The following DLGAP2 variants were observed in gnomAD, a reference collection of about 807,000 sequenced individuals.
DLGAP2 encodes disks large-associated protein 2.
A neutral mutation model predicts 100.3 loss-of-function variants in DLGAP2; 26 were observed. The ratio of observed to expected loss-of-function variants is 0.26; its 90% CI spans 0.19 to 0.36. The LOEUF (loss-of-function observed/expected upper bound fraction) is 0.36, where lower values mean the gene tolerates loss of function less well. Ranked by LOEUF, DLGAP2 falls within the 10% of genes least tolerant of loss-of-function variation. The pLI, the probability that DLGAP2 is intolerant of heterozygous loss-of-function variation, is 1.00. For synonymous variants in DLGAP2, 886 were observed against 630.1 expected, an observed-to-expected ratio of 1.41 and a Z score of -6.08; for missense variants, 1,858 against 1,453.2, an observed-to-expected ratio of 1.28 and a Z score of -4.53.
At chr8:1,685,140 T>C (rs2130866754) in intron 12 of DLGAP2, among the ~76,000 whole-genome samples, 1 of 151,312 alleles carries the variant, frequency 6.6e-6, no homozygotes, top group South Asian at 2.1e-4. Flanking sequence ...TGAGACAAAA[T>C]GGTCTGGATG....
chr8:829,618 A>G (rs1194062024), intron 1 of DLGAP2, among the ~76,000 whole-genome samples: 1 of 152,204 alleles, frequency 6.6e-6, no homozygotes, highest in Non-Finnish European at 1.5e-5. Flanking sequence ...TTTGTCAGTT[A>G]TTTCTTTTTT....
chr8:1,254,199 G>A (rs1799117920), intron 2 of DLGAP2, among the ~76,000 whole-genome samples: 1 of 152,196 alleles, frequency 6.6e-6, no homozygotes, highest in Non-Finnish European at 1.5e-5. Context: ...TCCCTTCCCT[G>A]AAATCAGTGC....
intron 2 of DLGAP2, among the ~76,000 whole-genome samples, chr8:1,193,012 T>C (rs7846660): frequency 0.024 from 3,721 of 152,256 alleles, 196 homozygotes; most frequent in African/African-American, 0.085. Context: ...TTATCAATTT[T>C]TATGGCTGCA....
chr8:1,505,101 T>C (rs1251613983), intron 4 of DLGAP2, among the ~76,000 whole-genome samples: 2 of 152,232 alleles, frequency 1.3e-5, no homozygotes, highest in African/African-American at 4.8e-5. Flanking sequence ...AGCATTATTT[T>C]AGACATTTGT....
intron 6 of DLGAP2, among the ~76,000 whole-genome samples, chr8:1,589,625 G>T (rs1393869358): frequency 2.0e-5 from 3 of 152,072 alleles, no homozygotes; most frequent in Admixed American, 1.3e-4. Context: ...TTTTGTTATT[G>T]TTTGTAGAGA....
At chr8:1,681,980 C>T (rs1474239072) in intron 12 of DLGAP2, among the ~76,000 whole-genome samples, 1 of 143,138 alleles carries the variant, frequency 7.0e-6, no homozygotes, top group Non-Finnish European at 1.5e-5. Context: ...AGTCACGGCC[C>T]TCTGACATTG....
chr8:781,710 T>C (rs1034148380), intron 1 of DLGAP2, among the ~76,000 whole-genome samples: 2 of 152,194 alleles, frequency 1.3e-5, no homozygotes, highest in East Asian at 1.9e-4. Flanking sequence ...ACTTACTTCT[T>C]AGAGTCACAC....
intron 1 of DLGAP2, among the ~76,000 whole-genome samples, chr8:902,368 G>A (rs1042258245): frequency 2.3e-4 from 35 of 150,080 alleles, no homozygotes; most frequent in African/African-American, 7.8e-4. Flanking sequence ...GGCTGGGGGG[G>A]CACTCCAAGG....
chr8:1,230,560 A>G (rs542600467), intron 2 of DLGAP2, among the ~76,000 whole-genome samples: 7 of 152,218 alleles, frequency 4.6e-5, no homozygotes, highest in African/African-American at 1.7e-4. Flanking sequence ...AAGCAATCCT[A>G]TGCAAAAAGA....
At chr8:1,691,000 G>C (rs1022350775) in intron 12 of DLGAP2, among the ~76,000 whole-genome samples, 1 of 152,002 alleles carries the variant, frequency 6.6e-6, no homozygotes, top group African/African-American at 2.4e-5. Flanking sequence ...CTCTTCCTAC[G>C]TAACACACAC....
At chr8:1,156,406 G>T (rs1585108085) in intron 2 of DLGAP2, among the ~76,000 whole-genome samples, 1 of 152,184 alleles carries the variant, frequency 6.6e-6, no homozygotes, top group Non-Finnish European at 1.5e-5. Context: ...CTGGCCGTGG[G>T]CCGTGGCACA....
At chr8:1,255,372 ATCC>A (rs1799173469) in intron 2 of DLGAP2, among the ~76,000 whole-genome samples, 3 of 44,568 alleles carry the variant, frequency 6.7e-5, no homozygotes, top group Non-Finnish European at 1.1e-4. Flanking sequence ...GTGCCCTCTC[ATCC>A]TGCCCGGGTG....
intron 3 of DLGAP2, among the ~76,000 whole-genome samples, chr8:1,495,999 G>T (rs569487672): frequency 3.9e-5 from 6 of 152,132 alleles, no homozygotes; most frequent in Admixed American, 2.6e-4. Context: ...AGGCAGTGAC[G>T]TGGGGCCCCC....
At chr8:1,083,901 C>T (rs1462365744) in intron 2 of DLGAP2, among the ~76,000 whole-genome samples, 3 of 152,114 alleles carry the variant, frequency 2.0e-5, no homozygotes, top group African/African-American at 7.2e-5. Context: ...GAACTGTGTT[C>T]GTGTTCCTAG....
At chr8:1,312,930 GCCCTACGTGCGGTATGGC>G (rs1347337469) in intron 3 of DLGAP2, among the ~76,000 whole-genome samples, 1 of 152,202 alleles carries the variant, frequency 6.6e-6, no homozygotes, top group Admixed American at 6.5e-5. Context: ...GTGAGGCCAA[GCCCTACGTGCGGTATGGC>G]CTGATCTCAA....
chr8:1,256,439 C>CA, intron 2 of DLGAP2, among the ~76,000 whole-genome samples: 1 of 136,046 alleles, frequency 7.4e-6, no homozygotes, highest in African/African-American at 3.1e-5. Context: ...TGCGTCTGTC[C>CA]TCTCCTGCCC....
chr8:1,371,903 G>A (rs1802246843), intron 3 of DLGAP2, among the ~76,000 whole-genome samples: 1 of 152,254 alleles, frequency 6.6e-6, no homozygotes, highest in South Asian at 2.1e-4. Context: ...CAGCGACAGA[G>A]TGCAGGGCCC....
chr8:883,045 T>A (rs932899589), intron 1 of DLGAP2, among the ~76,000 whole-genome samples: 5 of 152,246 alleles, frequency 3.3e-5, no homozygotes, highest in Non-Finnish European at 4.4e-5. Flanking sequence ...TCTTCCTGGG[T>A]CCCGTGCTCT....
chr8:741,827 G>A (rs781188577), intron 1 of DLGAP2, among the ~76,000 whole-genome samples: 3 of 152,220 alleles, frequency 2.0e-5, no homozygotes, highest in Non-Finnish European at 4.4e-5. Context: ...GCAATTGGAT[G>A]AGTGAAGAGC....
Sources: gnomAD v4.1 joint callset for allele counts (sites outside exome capture counted in the v4.1 genomes callset) on GRCh38, gnomAD v4.1.1 for gene constraint, MANE v1.5 for transcripts, NCBI Gene and HGNC (gene_info 2026-07-23, HGNC 2026-07-21) for gene names.